The following GRM1 variants were observed in gnomAD, a reference collection of about 807,000 sequenced individuals.
GRM1 encodes the protein glutamate metabotropic receptor 1.
Under a neutral mutation model 90.9 loss-of-function variants are expected in GRM1, and 33 were observed. The ratio of observed to expected loss-of-function variants is 0.36; its 90% CI spans 0.28 to 0.49. The LOEUF is 0.49. Ranked by LOEUF, GRM1 falls within the 20% of genes least tolerant of loss-of-function variation. The probability of loss-of-function intolerance (pLI) is 0.99; values close to 1 mark genes in which losing one functional copy is unlikely to be tolerated. For synonymous variants in GRM1, 700 were observed against 613.2 expected (o/e 1.14, Z -2.09); for missense variants, 1,190 against 1,534.3 (o/e 0.78, Z 3.75).
chr6:146,268,697 G>A (rs1782007854), intron 2 of GRM1, among the ~76,000 whole-genome samples: 1 of 152,136 alleles, frequency 6.6e-6, no homozygotes, highest in South Asian at 2.1e-4. Context: ...ATTGTCAACT[G>A]GATATGACCT....
chr6:146,243,300 A>G (rs1424094768), intron 2 of GRM1, among the ~76,000 whole-genome samples: 1 of 152,106 alleles, frequency 6.6e-6, no homozygotes, highest in Non-Finnish European at 1.5e-5. Flanking sequence ...GGACCTCAAG[A>G]AAGTTCCTGT....
At chr6:146,237,455 AT>A (rs1780690759) in intron 2 of GRM1, among the ~76,000 whole-genome samples, 1 of 146,090 alleles carries the variant, frequency 6.8e-6, no homozygotes. Context: ...TTTGTAAAAT[AT>A]TTTTACAAAT....
At position 146,173,666 on chromosome 6, in the gene GRM1, T is replaced by G. The variant is rs538523762; in HGVS notation, c.950+14069T>G. ...TTGCAGAATAATTTTTTTCCTGAGG[T>G]TCTTTTTTTTTTTTTTTCGAGACAG... On this transcript the variant is annotated intron_variant, in intron 2 of 7. Coordinates refer to ENST00000282753, the MANE Select transcript of GRM1 (RefSeq NM_001278064.2). 2.2e-5 allele frequency among the ~76,000 whole-genome samples: 3 copies of G among 134,646 alleles called. No individual in the cohort carries two copies. In the South Asian group the frequency reaches 6.4e-4, roughly 29 times the overall value. The allele number at this position is 134,646 out of a possible 152,430, so 88.3% of individuals were successfully genotyped here. A position where few individuals can be genotyped will look rare whatever the true frequency, so the allele number is the denominator to read the frequency against.
At chr6:146,330,390 G>A (rs910579656) in intron 3 of GRM1, among the ~76,000 whole-genome samples, 3 of 152,018 alleles carry the variant, frequency 2.0e-5, no homozygotes, top group Admixed American at 2.0e-4. Context: ...AAATTATAAT[G>A]GAAACCTACT....
intron 2 of GRM1, among the ~76,000 whole-genome samples, chr6:146,173,585 C>A (rs1321907708): frequency 1.3e-5 from 2 of 151,784 alleles, no homozygotes; most frequent in Non-Finnish European, 2.9e-5. Flanking sequence ...TAAATAACTT[C>A]TCTCACTGAT....
At chr6:146,407,926 C>G (rs1777407446) in intron 7 of GRM1, among the ~76,000 whole-genome samples, 1 of 152,124 alleles carries the variant, frequency 6.6e-6, no homozygotes, top group Non-Finnish European at 1.5e-5. Flanking sequence ...AATGTGGTGA[C>G]TCATGTGAAT....
chr6:146,238,538 G>A (rs897422539), intron 2 of GRM1, among the ~76,000 whole-genome samples: 1 of 152,014 alleles, frequency 6.6e-6, no homozygotes, highest in African/African-American at 2.4e-5. Context: ...GAAGAAAAAG[G>A]GTACGTACCC....
chr6:146,066,337 C>A (rs573188474), intron 1 of GRM1, among the ~76,000 whole-genome samples: 2 of 152,256 alleles, frequency 1.3e-5, no homozygotes, highest in South Asian at 4.1e-4. Flanking sequence ...TTTTCTGTTT[C>A]TGCGTTAGTT....
At chr6:146,122,593 C>T (rs948158098) in intron 1 of GRM1, among the ~76,000 whole-genome samples, 5 of 152,012 alleles carry the variant, frequency 3.3e-5, no homozygotes, top group African/African-American at 1.2e-4. Context: ...CATTCTGTTG[C>T]ACTGAACACT....
In GRM1 at chr6:146,226,455, G is replaced by C. The variant is rs190200144; in HGVS notation, c.950+66858G>C. On this transcript the variant is annotated intron_variant, in intron 2 of 7. Transcript: ENST00000282753. ...CTTCCTTTGAACTCTTTAGCTATCT[G>C]AGCAAGTAAACTCCCTTTGTTCTTC... Among the ~76,000 whole-genome samples the C allele has an allele frequency of 3.3e-5, 5 of 152,208 alleles. No individual in the cohort carries two copies. In the East Asian group the frequency reaches 9.7e-4, roughly 29 times the overall value.
Position 146,433,933 on chromosome 6 carries a change from C to T in GRM1, c.2722C>T (p.His908Tyr). The change falls in exon 8 of 8, where the codon CAT becomes TAT. Residue 908 changes from histidine to tyrosine, a missense_variant. Physicochemically the swap from His to Tyr is moderately conservative, Grantham distance 83 (BLOSUM62 2). Transcript: ENST00000282753. ...TGGAGGACAGGTGCCCAAGGGACAG[C>T]ATATGTGGCACCGCCTCTCTGTGCA... ...PGGGQVPKGQHMWHRLSVHVK... is the reference protein window; with the variant it reads ...PGGGQVPKGQYMWHRLSVHVK... 6.2e-7 allele frequency: 1 copy of T among 1,613,642 alleles called. No homozygotes were observed. Among genetic ancestry groups the T allele is most frequent in the South Asian group, 1.1e-5 (1 of 91,070 alleles).
chr6:146,369,787 A>G (rs939302243), intron 5 of GRM1, among the ~76,000 whole-genome samples: 1 of 151,978 alleles, frequency 6.6e-6, no homozygotes, highest in Non-Finnish European at 1.5e-5. Flanking sequence ...TAAGAAGAAT[A>G]TGCACTCTGT....
intron 5 of GRM1, among the ~76,000 whole-genome samples, chr6:146,370,572 T>C (rs1005861689): frequency 1.3e-5 from 2 of 152,106 alleles, no homozygotes; most frequent in African/African-American, 4.8e-5. Context: ...TAATCGGGTC[T>C]TTCCATTTAT....
chr6:146,177,555 G>A (rs1052846822), intron 2 of GRM1, among the ~76,000 whole-genome samples: 7 of 151,946 alleles, frequency 4.6e-5, no homozygotes, highest in Admixed American at 6.6e-5. Context: ...TGATATTCAC[G>A]TTTGCAACTT....
At chr6:146,084,024 G>T (rs1268169175) in intron 1 of GRM1, among the ~76,000 whole-genome samples, 1 of 152,194 alleles carries the variant, frequency 6.6e-6, no homozygotes, top group Non-Finnish European at 1.5e-5. Context: ...TTTGCATAGA[G>T]ATGTTTTTAG....
intron 1 of GRM1, among the ~76,000 whole-genome samples, chr6:146,101,692 G>A (rs572768661): frequency 2.6e-5 from 4 of 152,012 alleles, no homozygotes; most frequent in Admixed American, 6.6e-5. Flanking sequence ...TTGCTATAAT[G>A]CTAAAAGTAT....
At chr6:146,154,793 A>G (rs1037640110) in intron 1 of GRM1, among the ~76,000 whole-genome samples, 1 of 152,198 alleles carries the variant, frequency 6.6e-6, no homozygotes, top group African/African-American at 2.4e-5. Context: ...CTACTGCCAA[A>G]TTGTGCACCA....
intron 1 of GRM1, among the ~76,000 whole-genome samples, chr6:146,140,089 T>TTTTCTTTC (rs1412796494): frequency 3.0e-4 from 19 of 64,236 alleles, no homozygotes; most frequent in South Asian, 6.6e-4. Flanking sequence ...TTTCTTTCTT[T>TTTTCTTTC]ATTCTTTCTT....
At chr6:146,073,817 T>A (rs1222701417) in intron 1 of GRM1, among the ~76,000 whole-genome samples, 1 of 152,146 alleles carries the variant, frequency 6.6e-6, no homozygotes, top group East Asian at 1.9e-4. Flanking sequence ...AATGATGAAA[T>A]TCTGGAATTG....
Sources: allele counts gnomAD v4.1 joint callset (sites outside exome capture counted in the v4.1 genomes callset), GRCh38; gene constraint gnomAD v4.1.1; transcripts MANE v1.5; gene names NCBI Gene and HGNC (gene_info 2026-07-23, HGNC 2026-07-21).